TG: variants seen among roughly 807,000 people sequenced by gnomAD.
The protein encoded by TG is thyroid hormones.
TG carries 270 observed loss-of-function variants against 324.7 expected under a neutral mutation model. That is an observed-to-expected ratio of 0.83 (90% CI 0.75 to 0.92). The LOEUF (loss-of-function observed/expected upper bound fraction) is 0.92. TG is among the 40% of genes least tolerant of loss of function. The pLI is 0.00. For synonymous variants in TG, 1,401 were observed against 1,327.0 expected, an observed-to-expected ratio of 1.06 and a Z score of -1.21; for missense variants, 3,591 against 3,456.4, an observed-to-expected ratio of 1.04 and a Z score of -0.98.
intron 35 of TG, among the ~76,000 whole-genome samples, chr8:132,985,510 CCTTT>C (rs1202479183): frequency 5.3e-5 from 8 of 152,140 alleles, no homozygotes; most frequent in Non-Finnish European, 1.0e-4. Flanking sequence ...CAATTTTCCT[CCTTT>C]ATCAACAAAA....
At chr8:132,906,193 C>T (rs149281539) in intron 16 of TG, among the ~76,000 whole-genome samples, 36 of 152,124 alleles carry the variant, frequency 2.4e-4, no homozygotes, top group African/African-American at 7.5e-4. Flanking sequence ...GCAGTAGGGA[C>T]GAAGAGACAT....
At chr8:133,057,011 G>A (rs758366457) in intron 41 of TG, among the ~76,000 whole-genome samples, 3 of 152,186 alleles carry the variant, frequency 2.0e-5, no homozygotes, top group Non-Finnish European at 4.4e-5. Context: ...GATGCAGGTG[G>A]TGCGAAGACC....
At chr8:132,999,879 A>T (rs895729398) in intron 35 of TG, among the ~76,000 whole-genome samples, 1 of 152,068 alleles carries the variant, frequency 6.6e-6, no homozygotes, top group Non-Finnish European at 1.5e-5. Flanking sequence ...TCAATCCTTT[A>T]TGTGGGTCTT....
rs190364520 is a variant in TG at position 133,056,930 on chromosome 8, C to A, written c.7239+26907C>A. Among the ~76,000 whole-genome samples, 305 of 152,264 alleles carry A rather than the reference C, an allele frequency of 2.0e-3. 1 individual carries two copies. Among genetic ancestry groups the A allele is most frequent in the African/African-American group, 7.1e-3 (294 of 41,562 alleles). Reference sequence around the variant, plus strand: ...CAGCTGGCGGCTACCTTCCACCATCCCCAGGTTCTGATTCGTGGGCCTGGG... The same window carrying A: ...CAGCTGGCGGCTACCTTCCACCATCACCAGGTTCTGATTCGTGGGCCTGGG... On this transcript the variant is annotated intron_variant, in intron 41 of 47. Transcript: ENST00000220616.
At chr8:133,001,757 A>C (rs1833528275) in intron 35 of TG, 8 of 985,278 alleles carry the variant, frequency 8.1e-6, no homozygotes, top group Non-Finnish European at 9.6e-6. Context: ...AGTCACTTCT[A>C]TTCTGCTTAT....
At chr8:133,032,360 G>A (rs1402081097) in intron 41 of TG, among the ~76,000 whole-genome samples, 2 of 152,128 alleles carry the variant, frequency 1.3e-5, no homozygotes, top group African/African-American at 2.4e-5. Flanking sequence ...AATTGATCCT[G>A]GAGAGATTTC....
chr8:132,964,671 G>A (rs114859674), intron 29 of TG: 8,301 of 548,784 alleles, frequency 0.015, 503 homozygotes, highest in African/African-American at 0.13. Context: ...AATACGGCAC[G>A]TAAACCAGGT....
intron 34 of TG, among the ~76,000 whole-genome samples, chr8:132,976,459 AG>A (rs1395702566): frequency 1.3e-5 from 2 of 152,164 alleles, no homozygotes; most frequent in Admixed American, 6.5e-5. Context: ...TGAGTTTTGG[AG>A]GGGACAAACG....
Position 133,074,824 on chromosome 8 carries a change from C to A in TG, c.7240-20220C>A, listed in dbSNP as rs150676920. On this transcript the variant is annotated intron_variant, in intron 41 of 47. Coordinates refer to ENST00000220616, the MANE Select transcript of TG (RefSeq NM_003235.5). ...AAGAGGCCCTGAAGTCTCTCCCCAC[C>A]CCATCTCTGCCACATACTCCCAAAA... 154 of 984,346 alleles carry A rather than the reference C, an allele frequency of 1.6e-4. No individual in the cohort carries two copies. The African/African-American group carries it at 2.5e-3, about 16-fold the overall frequency. The allele number at this position is 984,346 out of a possible 1,614,324, so 61.0% of individuals were successfully genotyped here.
intron 35 of TG, among the ~76,000 whole-genome samples, chr8:132,984,762 T>G (rs909675928): frequency 2.0e-5 from 3 of 151,942 alleles, no homozygotes; most frequent in East Asian, 3.9e-4. Context: ...ACCAATATGG[T>G]GAAACTCCAT....
At chr8:132,872,294 C>T (rs376722359) in intron 4 of TG, among the ~76,000 whole-genome samples, 14 of 151,384 alleles carry the variant, frequency 9.2e-5, no homozygotes, top group African/African-American at 2.7e-4. Flanking sequence ...CCGGCTAACA[C>T]GGTGAAACCC....
intron 30 of TG, among the ~76,000 whole-genome samples, chr8:132,967,290 T>C (rs1446145863): frequency 1.3e-5 from 2 of 152,176 alleles, no homozygotes; most frequent in Admixed American, 1.3e-4. Context: ...GTATGCATTA[T>C]GTTCAAAGCT....
intron 41 of TG, among the ~76,000 whole-genome samples, chr8:133,031,764 C>G (rs1192791217): frequency 2.0e-5 from 3 of 152,178 alleles, no homozygotes; most frequent in Non-Finnish European, 2.9e-5. Context: ...GCCACAGGAG[C>G]CTTTCATGTT....
At chr8:133,013,308 T>C (rs1224765704) in intron 36 of TG, among the ~76,000 whole-genome samples, 1 of 152,064 alleles carries the variant, frequency 6.6e-6, no homozygotes, top group Non-Finnish European at 1.5e-5. Flanking sequence ...CATGAGCGGA[T>C]GAAAGGATAG....
At chr8:132,943,089 G>A (rs538986940) in intron 26 of TG, among the ~76,000 whole-genome samples, 26 of 152,170 alleles carry the variant, frequency 1.7e-4, no homozygotes, top group African/African-American at 6.3e-4. Context: ...CTGCCTCCTG[G>A]GTATAAGAGC....
intron 8 of TG, among the ~76,000 whole-genome samples, chr8:132,885,828 C>A (rs929286929): frequency 2.0e-5 from 3 of 152,288 alleles, no homozygotes; most frequent in African/African-American, 7.2e-5. Flanking sequence ...TGGCAGAATT[C>A]TTCCTTGCCC....
At position 132,995,411 on chromosome 8, in the gene TG, T is replaced by C. The variant is rs1265568000; in HGVS notation, c.6262+11999T>C. The C allele has an allele frequency of 5.1e-6, 5 of 985,110 alleles. No homozygotes were observed. In the African/African-American group the frequency reaches 8.7e-5, roughly 17 times the overall value. The allele number at this position is 985,110 out of a possible 1,614,324, so 61.0% of individuals were successfully genotyped here. On this transcript the variant is annotated intron_variant, in intron 35 of 47. Coordinates refer to ENST00000220616, the MANE Select transcript of TG (RefSeq NM_003235.5). ...CGGTGCCGCCTTAGGAGTCTGTCTG[T>C]GTTCAAGGCAGCTGTGTGAGCTTGG... is the stretch of plus-strand genomic sequence containing the variant.
chr8:133,025,666 C>T (rs538983875), intron 40 of TG, among the ~76,000 whole-genome samples: 6 of 152,258 alleles, frequency 3.9e-5, no homozygotes, highest in South Asian at 2.1e-4. Context: ...CTGGACCCAC[C>T]GTTACAAGGT....
chr8:132,886,230 G>A (rs774066444), intron 8 of TG, among the ~76,000 whole-genome samples: 1 of 152,124 alleles, frequency 6.6e-6, no homozygotes, highest in Admixed American at 6.5e-5. Context: ...TGGTGGAGTG[G>A]TCATGCCAAC....
Sources: allele counts gnomAD v4.1 joint callset (sites outside exome capture counted in the v4.1 genomes callset), GRCh38; gene constraint gnomAD v4.1.1; transcripts MANE v1.5; gene names NCBI Gene and HGNC (gene_info 2026-07-23, HGNC 2026-07-21).